SLC7A6: variants seen among roughly 807,000 people sequenced by gnomAD.
SLC7A6 encodes the protein solute carrier family 7 member 6.
SLC7A6 carries 29 observed loss-of-function variants against 46.6 expected under a neutral mutation model. The ratio of observed to expected loss-of-function variants is 0.62; its 90% CI spans 0.46 to 0.85. The LOEUF (loss-of-function observed/expected upper bound fraction) is 0.85, where lower values mean the gene tolerates loss of function less well. Among genes scored for constraint, SLC7A6 ranks in the 40% least tolerant of loss-of-function variants. The probability of loss-of-function intolerance (pLI) is 0.00; values close to 1 mark genes in which losing one functional copy is unlikely to be tolerated. For missense variants in SLC7A6, 527 were observed against 647.6 expected (o/e 0.81, Z 2.02); for synonymous variants, 276 against 257.3 (o/e 1.07, Z -0.70).
rs141651740 is a variant in SLC7A6 at position 68,267,854 on chromosome 16, A to G, written c.-37+1133A>G. Among the ~76,000 whole-genome samples the G allele has an allele frequency of 2.1e-3, 318 of 152,256 alleles. 2 individuals are homozygous for G. Among genetic ancestry groups the G allele is most frequent in the Middle Eastern group, 6.8e-3 (2 of 294 alleles). On this transcript the variant is annotated intron_variant, in intron 2 of 10. Coordinates refer to ENST00000219343, the MANE Select transcript of SLC7A6 (RefSeq NM_003983.6). The stretch of plus-strand genomic sequence containing the variant: ...GGGGAGAAAGGAGGAGGGTGAGGTT[A>G]AGTTGATCACTAATGGCCAGTGGCT...
chr16:68,286,050 C>G (rs1170530888), intron 3 of SLC7A6, among the ~76,000 whole-genome samples: 1 of 141,076 alleles, frequency 7.1e-6, no homozygotes, highest in Non-Finnish European at 1.5e-5. Context: ...GAGCTGTGAT[C>G]GCACCCACTC....
chr16:68,290,165 T>C (rs2043018319), intron 4 of SLC7A6: 1 of 504,716 alleles, frequency 2.0e-6, no homozygotes, highest in Admixed American at 3.4e-5. Flanking sequence ...GGTGGTAAAG[T>C]GTAGGGAGCT....
chr16:68,296,139 T>C (rs910331919), intron 8 of SLC7A6, among the ~76,000 whole-genome samples: 1 of 151,726 alleles, frequency 6.6e-6, no homozygotes, highest in Non-Finnish European at 1.5e-5. Flanking sequence ...AGGCATTGAG[T>C]GGAGGAAGGG....
At chr16:68,284,983 ACCTCAG>A (rs2042901791) in intron 3 of SLC7A6, among the ~76,000 whole-genome samples, 1 of 144,898 alleles carries the variant, frequency 6.9e-6, no homozygotes, top group Non-Finnish European at 1.5e-5. Context: ...CAGTTCTCCC[ACCTCAG>A]CCTCCCACAC....
At chr16:68,291,936 G>A (rs955681871) in intron 7 of SLC7A6, 5 of 379,660 alleles carry the variant, frequency 1.3e-5, no homozygotes, top group Non-Finnish European at 2.4e-5. Flanking sequence ...TTTATGTGCT[G>A]GTAGCTCATA....
chr16:68,296,046 G>C (rs1279585409), intron 8 of SLC7A6, among the ~76,000 whole-genome samples: 1 of 152,150 alleles, frequency 6.6e-6, no homozygotes, highest in African/African-American at 2.4e-5. Context: ...CTAGGACACC[G>C]TGTAATCCAT....
At chr16:68,284,004 G>T (rs2042878329) in intron 3 of SLC7A6, among the ~76,000 whole-genome samples, 1 of 152,102 alleles carries the variant, frequency 6.6e-6, no homozygotes, top group Non-Finnish European at 1.5e-5. Flanking sequence ...CTGCTTGACA[G>T]ACTGTTCTAG....
chr16:68,279,911 T>A (rs1471868576), intron 3 of SLC7A6, among the ~76,000 whole-genome samples: 8 of 152,220 alleles, frequency 5.3e-5, no homozygotes, highest in Admixed American at 5.2e-4. Context: ...AGGCTTTCTA[T>A]CCTAGAAGCA....
At chr16:68,291,524 G>A in intron 6 of SLC7A6, 34 bp from the exon 7 acceptor site, 1 of 1,606,568 alleles carries the variant, frequency 6.2e-7, no homozygotes, top group Non-Finnish European at 8.5e-7. Flanking sequence ...GAAACCCTGT[G>A]CGTTTAAGTG....
At position 68,296,540 on chromosome 16, in the gene SLC7A6, G is replaced by A. The variant is rs190652487; in HGVS notation, c.1269+27G>A. 1.1e-4 allele frequency: 185 copies of A among 1,614,086 alleles called. No individual in the cohort carries two copies. The African/African-American group carries it at 2.0e-3, about 18-fold the overall frequency. ...TCAGCAGCTCTGGCCAGACTAGGAGGGGTGGGCCATCTCCCTAAGGTGGCT... is the reference window on the plus strand; with the variant it reads ...TCAGCAGCTCTGGCCAGACTAGGAGAGGTGGGCCATCTCCCTAAGGTGGCT... On this transcript the variant is annotated intron_variant, in intron 9 of 10. Transcript: ENST00000219343.
rs544214685 is a variant in SLC7A6, at chr16:68,301,758, A to AATATGCAAT, written c.*4431_*4439dup. On this transcript the variant is annotated 3_prime_UTR_variant, in exon 11 of 11. Transcript: ENST00000219343. The stretch of plus-strand genomic sequence containing the variant: ...TGTTATTGACAAACCTCCCCAAAAG[A>AATATGCAAT]ATATGCAATTGTTTGATTCATTTCT... 1,293 of 168,634 alleles carry AATATGCAAT rather than the reference A, an allele frequency of 7.7e-3. 17 individuals carry two copies. The highest frequency in any genetic ancestry group is 0.029 in the African/African-American group (1,215 of 42,094). The allele number at this position is 168,634 out of a possible 1,614,324, so 10.4% of individuals were successfully genotyped here. A position where few individuals can be genotyped will look rare whatever the true frequency, so the allele number is the denominator to read the frequency against.
At chr16:68,269,103 C>T (rs982453268) in intron 2 of SLC7A6, among the ~76,000 whole-genome samples, 1 of 152,112 alleles carries the variant, frequency 6.6e-6, no homozygotes, top group East Asian at 1.9e-4. Flanking sequence ...TTCACTTTCT[C>T]CATTTTGACC....
Position 68,301,391 on chromosome 16 carries a change from T to G in SLC7A6, c.*4063T>G, listed in dbSNP as rs757289247. ...CCTCTTTCCTCCTCACTCAGGCTGT[T>G]GTAGTCAGCAGAGCCTAGAATGACA... On this transcript the variant is annotated 3_prime_UTR_variant, in exon 11 of 11. Coordinates refer to ENST00000219343, the MANE Select transcript of SLC7A6 (RefSeq NM_003983.6). 6.2e-7 allele frequency: 1 copy of G among 1,614,056 alleles called. No individual in the cohort carries two copies. The highest frequency in any genetic ancestry group is 8.5e-7 in the Non-Finnish European group (1 of 1,179,946).
chr16:68,300,616 T>C lies in SLC7A6; in HGVS notation c.*3288T>C, dbSNP rs931461700. The C allele has an allele frequency of 1.5e-5, 15 of 985,192 alleles. No individual in the cohort carries two copies. Among genetic ancestry groups the C allele is most frequent in the Non-Finnish European group, 1.8e-5 (15 of 829,804 alleles). The allele number at this position is 985,192 out of a possible 1,614,324, so 61.0% of individuals were successfully genotyped here. ...AAAGGTTTTCAAAGAATTACTTTCT[T>C]CCATGTTCAAAGCTAGATTTTACTA... On this transcript the variant is annotated 3_prime_UTR_variant, in exon 11 of 11. Coordinates refer to ENST00000219343, the MANE Select transcript of SLC7A6 (RefSeq NM_003983.6).
intron 3 of SLC7A6, among the ~76,000 whole-genome samples, chr16:68,280,863 T>TA (rs1163801600): frequency 6.6e-6 from 1 of 152,092 alleles, no homozygotes; most frequent in Non-Finnish European, 1.5e-5. Flanking sequence ...GCCTCCTGAG[T>TA]GCTGGGACAA....
At chr16:68,278,731 C>T (rs2042767093) in intron 3 of SLC7A6, among the ~76,000 whole-genome samples, 1 of 152,212 alleles carries the variant, frequency 6.6e-6, no homozygotes, top group South Asian at 2.1e-4. Context: ...GACATAGCAA[C>T]AATCTGATTT....
Position 68,274,885 on chromosome 16 carries a change from G to C in SLC7A6, c.159G>C (p.Leu53=). 6.2e-7 allele frequency: 1 copy of C among 1,614,220 alleles called. No individual in the cohort carries two copies. The highest frequency in any genetic ancestry group is 8.5e-7 in the Non-Finnish European group (1 of 1,180,042). The change falls in exon 3 of 11, where the codon CTG becomes CTC. Residue 53 remains leucine (L), a synonymous_variant. Transcript: ENST00000219343. The part of the protein sequence containing the change: ...KEISLLNGVS[L]VVGNMIGSGI... ...TCTCCCTGCTGAATGGGGTCAGCCT[G>C]GTGGTGGGCAACATGATCGGCTCAG...
In SLC7A6 at chr16:68,299,791, C is replaced by A. The variant is rs771291542; in HGVS notation, c.*2463C>A. 1.1e-4 allele frequency: 16 copies of A among 152,106 alleles called. No homozygotes were observed. The highest frequency in any genetic ancestry group is 2.1e-4 in the Non-Finnish European group (14 of 68,034). The allele number at this position is 152,106 out of a possible 1,614,324, so 9.4% of individuals were successfully genotyped here. ...ACATACAAGTTGCTGCCTGTTATAA[C>A]GGTGAATTATACCTTTGTGCATGCC... On this transcript the variant is annotated 3_prime_UTR_variant, in exon 11 of 11. Transcript: ENST00000219343.
intron 7 of SLC7A6, 101 bp downstream of exon 7, chr16:68,291,762 G>GTGT: frequency 9.2e-6 from 5 of 545,992 alleles, no homozygotes; most frequent in Non-Finnish European, 1.6e-5. Flanking sequence ...GGGCATATAG[G>GTGT]GTGTGTGTGT....
Sources: allele counts gnomAD v4.1 joint callset (sites outside exome capture counted in the v4.1 genomes callset), GRCh38; gene constraint gnomAD v4.1.1; transcripts MANE v1.5; gene names NCBI Gene and HGNC (gene_info 2026-07-23, HGNC 2026-07-21).